The following HOOK1 variants were observed in gnomAD, a reference collection of about 807,000 sequenced individuals.
HOOK1 encodes protein Hook homolog 1.
A neutral mutation model predicts 112.8 loss-of-function variants in HOOK1; 60 were observed. The ratio of observed to expected loss-of-function variants is 0.53; its 90% CI spans 0.43 to 0.66. HOOK1 has a LOEUF of 0.66. HOOK1 is among the 30% of genes least tolerant of loss of function. The pLI is 0.00. For missense variants in HOOK1, 770 were observed against 856.0 expected (o/e 0.90, Z 1.25); for synonymous variants, 294 against 283.8 (o/e 1.04, Z -0.36).
chr1:59,837,774 G>A (rs1167627674), intron 7 of HOOK1, among the ~76,000 whole-genome samples: 1 of 151,996 alleles, frequency 6.6e-6, no homozygotes, highest in Non-Finnish European at 1.5e-5. Flanking sequence ...TATACACATG[G>A]CATGATGGTT....
intron 19 of HOOK1, 92 bp from the exon 20 acceptor site, chr1:59,868,158 C>T (rs1269899245): frequency 4.4e-6 from 3 of 682,106 alleles, no homozygotes; most frequent in Non-Finnish European, 7.5e-6. Context: ...GGATTATTTT[C>T]CACCTTACTT....
intron 19 of HOOK1, among the ~76,000 whole-genome samples, chr1:59,867,025 T>TG (rs1643978907): frequency 6.6e-6 from 1 of 152,200 alleles, no homozygotes; most frequent in African/African-American, 2.4e-5. Flanking sequence ...TATAACTAAT[T>TG]GAACAAAACC....
intron 7 of HOOK1, among the ~76,000 whole-genome samples, chr1:59,838,354 C>G (rs1325490766): frequency 1.3e-5 from 2 of 152,146 alleles, no homozygotes; most frequent in Admixed American, 1.3e-4. Context: ...TCTCCAGTAT[C>G]TGTTGTTTCC....
intron 3 of HOOK1, among the ~76,000 whole-genome samples, chr1:59,830,321 G>A (rs2102016735): frequency 6.6e-6 from 1 of 151,990 alleles, no homozygotes; most frequent in Non-Finnish European, 1.5e-5. Context: ...TTTCGATTTT[G>A]TTGATTTCTC....
In HOOK1 at chr1:59,873,055, GA is replaced by G; in HGVS notation, c.*95del. The G allele has an allele frequency of 7.7e-6, 8 of 1,033,242 alleles. No individual in the cohort carries two copies. The highest frequency in any genetic ancestry group is 1.0e-5 in the Non-Finnish European group (8 of 779,934). The allele number at this position is 1,033,242 out of a possible 1,614,324, so 64.0% of individuals were successfully genotyped here. ...GTACCTTTCAACTAACTACCAGATTGAAAAAGAGTTTATGATGCGGGATATC... is the reference window on the plus strand; with the variant it reads ...GTACCTTTCAACTAACTACCAGATTGAAAAGAGTTTATGATGCGGGATATC... On this transcript the variant is annotated 3_prime_UTR_variant, in exon 22 of 22. Transcript: ENST00000371208.
chr1:59,863,185 G>A lies in HOOK1; in HGVS notation c.1626+308G>A, dbSNP rs192219401. On this transcript the variant is annotated intron_variant, in intron 16 of 21. Coordinates refer to ENST00000371208, the MANE Select transcript of HOOK1 (RefSeq NM_015888.6). ...AAAGTTCATGATGATTCTTGATTGA[G>A]AGCATACTACAATTGAGGCCTTCAT... 1.1e-4 allele frequency among the ~76,000 whole-genome samples: 16 copies of A among 152,246 alleles called. No individual in the cohort carries two copies. The East Asian group carries it at 3.1e-3, about 29-fold the overall frequency.
chr1:59,821,850 C>G lies in HOOK1; in HGVS notation c.64-8C>G. 1 of 1,575,382 alleles carries G rather than the reference C, an allele frequency of 6.3e-7. No homozygotes were observed. The highest frequency in any genetic ancestry group is 8.6e-7 in the Non-Finnish European group (1 of 1,163,668). The stretch of plus-strand genomic sequence containing the variant: ...AGCAGTAAGATCATTTGATTTATGT[C>G]ATTTTAGCTGCAGACATTCAATACT... On this transcript the variant is annotated splice_polypyrimidine_tract_variant and splice_region_variant and intron_variant, in intron 1 of 21. Transcript: ENST00000371208.
At chr1:59,871,230 T>G in intron 21 of HOOK1, 120 bp downstream of exon 21, 1 of 631,278 alleles carries the variant, frequency 1.6e-6, no homozygotes, top group Admixed American at 2.9e-5. Flanking sequence ...CATAGCATGT[T>G]TATGTATATG....
In HOOK1 at chr1:59,849,150, A is replaced by C. The variant is rs776779790; in HGVS notation, c.1209A>C (p.Glu403Asp). ...DTLAFEMKRL[E>D]EKHEALLKEK... The stretch of plus-strand genomic sequence containing the variant: ...TAGCGTTTGAAATGAAGCGGCTTGA[A>C]GAAAAACATGAAGCTTTACTTAAGG... Residue 403 changes from glutamate (E) to aspartate (D), a missense_variant, in exon 12 of 22, where the codon GAA (glutamate) becomes GAC (aspartate). Coordinates refer to ENST00000371208, the MANE Select transcript of HOOK1 (RefSeq NM_015888.6). 1 of 1,609,360 alleles carries C rather than the reference A, an allele frequency of 6.2e-7. No individual in the cohort carries two copies. The highest frequency in any genetic ancestry group is 2.2e-5 in the East Asian group (1 of 44,728).
At chr1:59,821,989 A>G (rs754317724) in intron 2 of HOOK1, 46 bp downstream of exon 2, 24 of 1,431,912 alleles carry the variant, frequency 1.7e-5, no homozygotes, top group Non-Finnish European at 2.2e-5. Flanking sequence ...TAAACCCAAT[A>G]CATACCAAGG....
At chr1:59,822,992 T>G (rs2098386732) in intron 2 of HOOK1, among the ~76,000 whole-genome samples, 1 of 152,206 alleles carries the variant, frequency 6.6e-6, no homozygotes, top group Non-Finnish European at 1.5e-5. Context: ...TTGTAAAACA[T>G]ACCTTACTCC....
At chr1:59,858,024 T>A (rs1307550206) in intron 12 of HOOK1, among the ~76,000 whole-genome samples, 1 of 152,208 alleles carries the variant, frequency 6.6e-6, no homozygotes, top group East Asian at 1.9e-4. Flanking sequence ...TTTGCAAGGG[T>A]TTATGTATCA....
rs566069293 is a variant in HOOK1 at position 59,872,974 on chromosome 1, A to C, written c.*9A>C. The C allele has an allele frequency of 1.9e-4, 282 of 1,448,138 alleles. 1 individual carries two copies. The highest frequency in any genetic ancestry group is 9.0e-4 in the South Asian group (61 of 67,944). The allele number at this position is 1,448,138 out of a possible 1,614,324, so 89.7% of individuals were successfully genotyped here. A position where few individuals can be genotyped will look rare whatever the true frequency, so the allele number is the denominator to read the frequency against. On this transcript the variant is annotated 3_prime_UTR_variant, in exon 22 of 22. Coordinates refer to ENST00000371208, the MANE Select transcript of HOOK1 (RefSeq NM_015888.6). ...CTACAACATCTGATTAAACTGCAAAAAAAACAAAACAAAACAAAAAAACCA... is the reference window on the plus strand; with the variant it reads ...CTACAACATCTGATTAAACTGCAAACAAAACAAAACAAAACAAAAAAACCA...
Position 59,864,678 on chromosome 1 carries a change from T to G in HOOK1, c.1661+12T>G. On this transcript the variant is annotated intron_variant, in intron 17 of 21. Coordinates refer to ENST00000371208, the MANE Select transcript of HOOK1 (RefSeq NM_015888.6). ...TTGGAAGCTCATATGTAAGTAAAAC[T>G]GATATTTCTTTTCAAATATGAGAAG... 1.4e-6 allele frequency: 2 copies of G among 1,474,242 alleles called. No homozygotes were observed. The highest frequency in any genetic ancestry group is 1.9e-6 in the Non-Finnish European group (2 of 1,063,230). The allele number at this position is 1,474,242 out of a possible 1,614,324, so 91.3% of individuals were successfully genotyped here. A position where few individuals can be genotyped will look rare whatever the true frequency, so the allele number is the denominator to read the frequency against.
intron 21 of HOOK1, among the ~76,000 whole-genome samples, chr1:59,871,772 C>CA (rs1227103620): frequency 6.6e-6 from 1 of 152,180 alleles, no homozygotes; most frequent in African/African-American, 2.4e-5. Flanking sequence ...AAAGGCATAT[C>CA]ACTTTATAAA....
At chr1:59,856,570 C>A (rs1000497018) in intron 12 of HOOK1, among the ~76,000 whole-genome samples, 2 of 150,870 alleles carry the variant, frequency 1.3e-5, no homozygotes, top group South Asian at 4.2e-4. Flanking sequence ...AATTTCAAAT[C>A]TGGAAATCAG....
At chr1:59,822,088 C>T (rs2098386086) in intron 2 of HOOK1, 145 bp downstream of exon 2, 1 of 661,406 alleles carries the variant, frequency 1.5e-6, no homozygotes, top group Non-Finnish European at 2.6e-6. Flanking sequence ...GGCATTCTTG[C>T]AGGTAGGGAA....
chr1:59,874,585 T>C lies in HOOK1; in HGVS notation c.*1620T>C, dbSNP rs571958162. 9 of 152,334 alleles carry C rather than the reference T, an allele frequency of 5.9e-5. No homozygotes were observed. Among genetic ancestry groups the C allele is most frequent in the African/African-American group, 2.2e-4 (9 of 41,584 alleles). The allele number at this position is 152,334 out of a possible 1,614,324, so 9.4% of individuals were successfully genotyped here. ...TGGCCTACATGATCTTTGTTGCAAG[T>C]ACTCAACTCTGCCATTATAGAGTTA... On this transcript the variant is annotated 3_prime_UTR_variant, in exon 22 of 22. Coordinates refer to ENST00000371208, the MANE Select transcript of HOOK1 (RefSeq NM_015888.6).
At chr1:59,853,309 T>C (rs2098408234) in intron 12 of HOOK1, among the ~76,000 whole-genome samples, 1 of 152,076 alleles carries the variant, frequency 6.6e-6, no homozygotes, top group African/African-American at 2.4e-5. Context: ...TTTATGTTTG[T>C]AATTGTTATA....
Sources: gnomAD v4.1 joint callset for allele counts (sites outside exome capture counted in the v4.1 genomes callset) on GRCh38, gnomAD v4.1.1 for gene constraint, MANE v1.5 for transcripts, NCBI Gene and HGNC (gene_info 2026-07-23, HGNC 2026-07-21) for gene names.